The following GREB1L variants were observed in gnomAD, a reference collection of about 807,000 sequenced individuals.
The protein encoded by GREB1L is GREB1-like protein.
Under a neutral mutation model 200.8 loss-of-function variants are expected in GREB1L, and 17 were observed. That is an observed-to-expected ratio of 0.08 (90% CI 0.06 to 0.13). The LOEUF (loss-of-function observed/expected upper bound fraction) is 0.13, where lower values mean the gene tolerates loss of function less well. Ranked by LOEUF, GREB1L falls within the 10% of genes least tolerant of loss-of-function variation. The pLI is 1.00. For missense variants in GREB1L, 1,657 were observed against 2,367.7 expected (o/e 0.70, Z 6.23); for synonymous variants, 789 against 893.0 (o/e 0.88, Z 2.08).
chr18:21,414,790 T>C (rs1222352031), intron 7 of GREB1L, among the ~76,000 whole-genome samples: 1 of 152,082 alleles, frequency 6.6e-6, no homozygotes, highest in Non-Finnish European at 1.5e-5. Flanking sequence ...AGCTCAACAT[T>C]TGCTCCTGGC....
At chr18:21,375,480 G>A (rs1188300304) in intron 2 of GREB1L, among the ~76,000 whole-genome samples, 1 of 152,164 alleles carries the variant, frequency 6.6e-6, no homozygotes, top group East Asian at 1.9e-4. Flanking sequence ...TTTTCAGCCT[G>A]TCTTGCAACT....
At chr18:21,522,625 G>A in intron 32 of GREB1L, 33 bp from the exon 33 acceptor site, 1 of 1,513,432 alleles carries the variant, frequency 6.6e-7, no homozygotes, top group Non-Finnish European at 8.9e-7. Flanking sequence ...CAATCCCTGA[G>A]CCTAGGACAT....
chr18:21,520,828 G>T lies in GREB1L; in HGVS notation c.5608+5G>T. 1 of 1,526,552 alleles carries T rather than the reference G, an allele frequency of 6.6e-7. No homozygotes were observed. The highest frequency in any genetic ancestry group is 8.8e-7 in the Non-Finnish European group (1 of 1,132,282). The allele number at this position is 1,526,552 out of a possible 1,614,324, so 94.6% of individuals were successfully genotyped here. A position where few individuals can be genotyped will look rare whatever the true frequency, so the allele number is the denominator to read the frequency against. On this transcript the variant is annotated splice_donor_5th_base_variant and intron_variant, in intron 32 of 32. Transcript: ENST00000424526. The stretch of plus-strand genomic sequence containing the variant: ...AGAAATTTAAATTTCTAAAAGGTAA[G>T]TCAAATTTAGTATCTTGCTTGTAAT...
intron 1 of GREB1L, among the ~76,000 whole-genome samples, chr18:21,246,835 C>T (rs1598602264): frequency 6.6e-6 from 1 of 152,152 alleles, no homozygotes; most frequent in Non-Finnish European, 1.5e-5. Flanking sequence ...ATTGTGATCA[C>T]AGTTTGCTGG....
chr18:21,477,415 G>T, intron 17 of GREB1L, 59 bp downstream of exon 17: 1 of 1,290,010 alleles, frequency 7.8e-7, no homozygotes, highest in South Asian at 1.8e-5. Context: ...AAGAGGGTAG[G>T]ACCTTGTAAC....
intron 1 of GREB1L, among the ~76,000 whole-genome samples, chr18:21,303,392 T>C (rs1598643089): frequency 1.3e-5 from 2 of 152,234 alleles, no homozygotes; most frequent in African/African-American, 2.4e-5. Context: ...CTTGTTCTTT[T>C]GTTTTTTAAA....
chr18:21,523,653 C>T lies in GREB1L; in HGVS notation c.*832C>T, dbSNP rs982030238. The stretch of plus-strand genomic sequence containing the variant: ...AAGCTTTCAGCAGGTAACCTGCACC[C>T]ACCGTTTGGTTGGAATTAAGCAGTT... On this transcript the variant is annotated 3_prime_UTR_variant, in exon 33 of 33. Coordinates refer to ENST00000424526, the MANE Select transcript of GREB1L (RefSeq NM_001142966.3). 6.6e-6 allele frequency: 1 copy of T among 152,200 alleles called. No individual in the cohort carries two copies. The highest frequency in any genetic ancestry group is 1.5e-5 in the Non-Finnish European group (1 of 68,042). 9.4% of individuals were successfully genotyped at this position (152,200 alleles called of 1,614,324 possible).
intron 1 of GREB1L, among the ~76,000 whole-genome samples, chr18:21,344,874 A>G (rs183581608): frequency 6.6e-6 from 1 of 152,216 alleles, no homozygotes; most frequent in Non-Finnish European, 1.5e-5. Flanking sequence ...ATCTCTCATC[A>G]TTGCAGACTG....
intron 32 of GREB1L, among the ~76,000 whole-genome samples, 165 bp from the exon 33 acceptor site, chr18:21,522,493 T>G (rs2037620786): frequency 6.6e-6 from 1 of 151,948 alleles, no homozygotes; most frequent in Admixed American, 6.6e-5. Flanking sequence ...ACAAAAAAAA[T>G]TACTGAATTT....
intron 16 of GREB1L, among the ~76,000 whole-genome samples, chr18:21,474,106 CT>C (rs1238190834): frequency 6.6e-6 from 1 of 152,138 alleles, no homozygotes; most frequent in African/African-American, 2.4e-5. Context: ...CTTTCTGCCC[CT>C]GGCCCCTCCC....
chr18:21,520,943 T>A (rs956586841), intron 32 of GREB1L, 120 bp downstream of exon 32: 3 of 811,350 alleles, frequency 3.7e-6, no homozygotes, highest in Non-Finnish European at 5.5e-6. Flanking sequence ...ACGCCTGTAA[T>A]CTCAGCACTT....
chr18:21,280,420 C>A (rs1252620726), intron 1 of GREB1L, among the ~76,000 whole-genome samples: 4 of 149,268 alleles, frequency 2.7e-5, no homozygotes, highest in Non-Finnish European at 5.9e-5. Flanking sequence ...GAATAATATT[C>A]CATGGTGTGG....
chr18:21,471,620 C>CTTTTTTTTT (rs77038675), intron 15 of GREB1L, among the ~76,000 whole-genome samples: 6 of 142,372 alleles, frequency 4.2e-5, no homozygotes, highest in Admixed American at 1.4e-4. Flanking sequence ...TCTTTTGTTT[C>CTTTTTTTTT]TTTTTTTTTT....
intron 7 of GREB1L, among the ~76,000 whole-genome samples, chr18:21,410,988 ATACT>A (rs2030932560): frequency 6.6e-6 from 1 of 152,098 alleles, no homozygotes; most frequent in African/African-American, 2.4e-5. Context: ...AAAAAAAAGA[ATACT>A]TATGAATTAA....
At chr18:21,443,814 A>G (rs1243236292) in intron 10 of GREB1L, among the ~76,000 whole-genome samples, 2 of 152,326 alleles carry the variant, frequency 1.3e-5, no homozygotes, top group South Asian at 2.1e-4. Context: ...TCCCATATAC[A>G]TTAAACCACC....
rs1038128150 is a variant in GREB1L at position 21,510,139 on chromosome 18, G to A, written c.4735+1548G>A. On this transcript the variant is annotated intron_variant, in intron 27 of 32. Coordinates refer to ENST00000424526, the MANE Select transcript of GREB1L (RefSeq NM_001142966.3). ...TGAGGCAGGAGAATCACTTGAACCCGGGAGCTGGTGGCGGCAGTGAGCCAA... is the reference window on the plus strand; with the variant it reads ...TGAGGCAGGAGAATCACTTGAACCCAGGAGCTGGTGGCGGCAGTGAGCCAA... Among the ~76,000 whole-genome samples the A allele has an allele frequency of 4.0e-5, 6 of 151,574 alleles. No individual in the cohort carries two copies. In the South Asian group the frequency reaches 6.2e-4, roughly 16 times the overall value.
chr18:21,436,053 G>A (rs375368421), intron 7 of GREB1L, among the ~76,000 whole-genome samples: 3 of 152,172 alleles, frequency 2.0e-5, no homozygotes, highest in African/African-American at 7.2e-5. Context: ...AGAAGAAGGG[G>A]TCTCAATAGA....
In GREB1L at chr18:21,318,845, A is replaced by T. The variant is rs2038910957; in HGVS notation, c.-119-47182A>T. ...GCTGGGAAAGTGAAGATCTGAAAGG[A>T]GGACTCAGAGGATCACAGGGTCGCT... On this transcript the variant is annotated intron_variant, in intron 1 of 32. Transcript: ENST00000424526. Among the ~76,000 whole-genome samples the T allele has an allele frequency of 2.0e-5, 3 of 152,190 alleles. No individual in the cohort carries two copies. The South Asian group carries it at 6.2e-4, about 31-fold the overall frequency.
Position 21,518,247 on chromosome 18 carries a change from T to C in GREB1L, c.5472+13T>C. The stretch of plus-strand genomic sequence containing the variant: ...CATTGGACCAGAGGTAAAAAGGGTG[T>C]GGGGGATACTGTGCTTACCTACATC... On this transcript the variant is annotated intron_variant, in intron 31 of 32. Coordinates refer to ENST00000424526, the MANE Select transcript of GREB1L (RefSeq NM_001142966.3). The C allele has an allele frequency of 6.5e-7, 1 of 1,550,052 alleles. No individual in the cohort carries two copies. Among genetic ancestry groups the C allele is most frequent in the Non-Finnish European group, 8.7e-7 (1 of 1,145,540 alleles).
Sources: gnomAD v4.1 joint callset for allele counts (sites outside exome capture counted in the v4.1 genomes callset) on GRCh38, gnomAD v4.1.1 for gene constraint, MANE v1.5 for transcripts, NCBI Gene and HGNC (gene_info 2026-07-23, HGNC 2026-07-21) for gene names.